Variants in TMEM14B observed in about 807,000 individuals in gnomAD.
TMEM14B encodes transmembrane protein 14B.
A neutral mutation model predicts 14.8 loss-of-function variants in TMEM14B; 9 were observed. That is an observed-to-expected ratio of 0.61 (90% CI 0.37 to 1.06). The LOEUF (loss-of-function observed/expected upper bound fraction) is 1.06, where lower values mean the gene tolerates loss of function less well. TMEM14B is among the 50% of genes least tolerant of loss of function. The probability of loss-of-function intolerance (pLI) is 0.01; values close to 1 mark genes in which losing one functional copy is unlikely to be tolerated. For synonymous variants in TMEM14B, 40 were observed against 51.3 expected, an observed-to-expected ratio of 0.78 and a Z score of 0.94; for missense variants, 128 against 143.6, an observed-to-expected ratio of 0.89 and a Z score of 0.56.
chr6:10,756,434 C>G, intron 5 of TMEM14B, 33 bp from the exon 6 acceptor site: 1 of 1,611,922 alleles, frequency 6.2e-7, no homozygotes, highest in Middle Eastern at 1.7e-4. Context: ...CTATCCTTTA[C>G]CTGATGTTTT....
chr6:10,751,284 C>G (rs1771554620), intron 4 of TMEM14B, 50 bp downstream of exon 4: 3 of 1,597,400 alleles, frequency 1.9e-6, no homozygotes, highest in South Asian at 2.2e-5. Flanking sequence ...CTGGAATATT[C>G]TTTTCCAAAA....
downstream of TMEM14B, among the ~76,000 whole-genome samples, chr6:10,758,744 A>G (rs1771883979): frequency 6.6e-6 from 1 of 152,130 alleles, no homozygotes; most frequent in Admixed American, 6.5e-5. Flanking sequence ...GAGTCTTGTC[A>G]GTTGATGCAT....
At chr6:10,748,148 C>T (rs1771402102) in intron 1 of TMEM14B, among the ~76,000 whole-genome samples, 1 of 152,156 alleles carries the variant, frequency 6.6e-6, no homozygotes, top group South Asian at 2.1e-4. Flanking sequence ...TGCTCCAGCT[C>T]TTTAAAAGCC....
intron 1 of TMEM14B, among the ~76,000 whole-genome samples, 184 bp downstream of exon 1, chr6:10,748,065 C>T (rs1033650897): frequency 6.6e-6 from 1 of 152,128 alleles, no homozygotes. Flanking sequence ...TGTGGATGCT[C>T]GGAGCACCTG....
At chr6:10,749,529 A>T in intron 2 of TMEM14B, 93 bp from the exon 3 acceptor site, 3 of 1,436,064 alleles carry the variant, frequency 2.1e-6, no homozygotes, top group Non-Finnish European at 2.0e-6. Context: ...CCTGTGGGGA[A>T]TGATTACCTT....
At chr6:10,749,764 G>C in intron 3 of TMEM14B, 66 bp downstream of exon 3, 4 of 1,585,896 alleles carry the variant, frequency 2.5e-6, no homozygotes, top group Non-Finnish European at 3.5e-6. Context: ...GTGAGTGCCT[G>C]TGTCCCTGAG....
At chr6:10,747,763 T>C (rs9689337), upstream of TMEM14B, 17,689 of 152,574 alleles carry the variant, frequency 0.12, 2,420 homozygotes, top group African/African-American at 0.34. Context: ...CGTCCCGCCT[T>C]TCTCCCCGCC....
chr6:10,748,248 C>A (rs987680372), intron 1 of TMEM14B, among the ~76,000 whole-genome samples: 13 of 151,808 alleles, frequency 8.6e-5, no homozygotes, highest in African/African-American at 3.1e-4. Flanking sequence ...TTAATTCTTT[C>A]TTTTTTTGGG....
At position 10,756,872 on chromosome 6, in the gene TMEM14B, C is replaced by A. The variant is rs560767885; in HGVS notation, c.*354C>A. 1.0e-6 allele frequency: 1 copy of A among 992,740 alleles called. No homozygotes were observed. The highest frequency in any genetic ancestry group is 1.7e-5 in the African/African-American group (1 of 57,628). The allele number at this position is 992,740 out of a possible 1,614,324, so 61.5% of individuals were successfully genotyped here. The stretch of plus-strand genomic sequence containing the variant: ...TCAGAGGAACAGTGTGAAAAAAAAT[C>A]TCTTGAGAGATTTAGAATATCTTTT... On this transcript the variant is annotated 3_prime_UTR_variant, in exon 6 of 6. Transcript: ENST00000379542.
chr6:10,750,059 C>T lies in TMEM14B; in HGVS notation c.100+361C>T. ...TACACAGACTGGTATTTTGAAGTTT[C>T]CTCATTAGGCCAGGCAGGGGTGTGT... On this transcript the variant is annotated intron_variant, in intron 3 of 5. Transcript: ENST00000379542. The T allele has an allele frequency of 1.1e-5, 3 of 275,738 alleles. No individual in the cohort carries two copies. The South Asian group carries it at 1.3e-4, about 12-fold the overall frequency. 17.1% of individuals were successfully genotyped at this position (275,738 alleles called of 1,614,324 possible).
chr6:10,755,452 G>A, intron 5 of TMEM14B: 1 of 1,443,896 alleles, frequency 6.9e-7, no homozygotes, highest in Non-Finnish European at 9.0e-7. Context: ...TTGTTCTCTG[G>A]TCCTAGCTCC....
downstream of TMEM14B, chr6:10,757,098 T>A: frequency 1.5e-6 from 1 of 677,006 alleles, no homozygotes; most frequent in Non-Finnish European, 1.8e-6. Context: ...TTGAGTAATT[T>A]AAGGACCAAG....
chr6:10,754,583 A>C (rs570670822), intron 4 of TMEM14B, among the ~76,000 whole-genome samples: 1 of 152,220 alleles, frequency 6.6e-6, no homozygotes, highest in South Asian at 2.1e-4. Context: ...CCCCCTGTTG[A>C]GCTTTTTTGT....
At position 10,756,855 on chromosome 6, in the gene TMEM14B, A is replaced by C; in HGVS notation, c.*337A>C. On this transcript the variant is annotated 3_prime_UTR_variant, in exon 6 of 6. Transcript: ENST00000379542. ...GAAACCCCATTCCCTGCTCAGAGGA[A>C]CAGTGTGAAAAAAAATCTCTTGAGA... 1.0e-6 allele frequency: 1 copy of C among 998,820 alleles called. No homozygotes were observed. The highest frequency in any genetic ancestry group is 1.2e-6 in the Non-Finnish European group (1 of 838,996). 61.9% of individuals were successfully genotyped at this position (998,820 alleles called of 1,614,324 possible). A position where few individuals can be genotyped will look rare whatever the true frequency, so the allele number is the denominator to read the frequency against.
chr6:10,752,821 T>TGGGG (rs1025394924), intron 4 of TMEM14B: 1 of 151,860 alleles, frequency 6.6e-6, no homozygotes, highest in African/African-American at 2.4e-5. Context: ...TCCCCGAAGG[T>TGGGG]GGGGTGGTAG....
chr6:10,756,710 T>C lies in TMEM14B; in HGVS notation c.*192T>C. Reference sequence around the variant, plus strand: ...TATAACCCTACAGAGGTGGTGAGCATGTAACATGAGCTTATTGAGACCATC... The same window carrying C: ...TATAACCCTACAGAGGTGGTGAGCACGTAACATGAGCTTATTGAGACCATC... On this transcript the variant is annotated 3_prime_UTR_variant, in exon 6 of 6. Coordinates refer to ENST00000379542, the MANE Select transcript of TMEM14B (RefSeq NM_030969.5). 3.7e-6 allele frequency: 5 copies of C among 1,339,284 alleles called. No individual in the cohort carries two copies. Among genetic ancestry groups the C allele is most frequent in the Non-Finnish European group, 4.8e-6 (5 of 1,044,324 alleles). 83.0% of individuals were successfully genotyped at this position (1,339,284 alleles called of 1,614,324 possible). A position where few individuals can be genotyped will look rare whatever the true frequency, so the allele number is the denominator to read the frequency against.
At chr6:10,749,582 G>GT in intron 2 of TMEM14B, 40 bp from the exon 3 acceptor site, 1 of 1,609,438 alleles carries the variant, frequency 6.2e-7, no homozygotes, top group Non-Finnish European at 8.5e-7. Flanking sequence ...TTAAATCCAG[G>GT]TTAGCACTGA....
chr6:10,757,303 A>G (rs118122723), downstream of TMEM14B, among the ~76,000 whole-genome samples: 335 of 152,086 alleles, frequency 2.2e-3, 16 homozygotes, highest in East Asian at 0.052. Flanking sequence ...AGCTGGTACT[A>G]CTGGTGCATA....
downstream of TMEM14B, among the ~76,000 whole-genome samples, chr6:10,757,889 G>A (rs1158910131): frequency 1.3e-5 from 2 of 151,862 alleles, no homozygotes; most frequent in African/African-American, 4.8e-5. Context: ...TATTCAGGAG[G>A]CTGAGGCAGG....
Sources: allele counts gnomAD v4.1 joint callset (sites outside exome capture counted in the v4.1 genomes callset), GRCh38; gene constraint gnomAD v4.1.1; transcripts MANE v1.5; gene names NCBI Gene and HGNC (gene_info 2026-07-23, HGNC 2026-07-21).